SGK1: variants seen among roughly 807,000 people sequenced by gnomAD.
SGK1 encodes the protein serine/threonine-protein kinase Sgk1.
SGK1 carries 26 observed loss-of-function variants against 64.2 expected under a neutral mutation model. The observed-to-expected ratio is 0.40, with a 90% CI of 0.30 to 0.56. The LOEUF is 0.56. Among genes scored for constraint, SGK1 ranks in the 20% least tolerant of loss-of-function variants. The probability of loss-of-function intolerance (pLI) is 0.38; values close to 1 mark genes in which losing one functional copy is unlikely to be tolerated. For synonymous variants in SGK1, 265 were observed against 239.7 expected (o/e 1.11, Z -0.98); for missense variants, 519 against 645.6 (o/e 0.80, Z 2.12).
At chr6:134,195,439 C>G (rs75301247) in intron 3 of SGK1, among the ~76,000 whole-genome samples, 128 of 152,256 alleles carry the variant, frequency 8.4e-4, no homozygotes, top group African/African-American at 2.9e-3. Flanking sequence ...TAAACTGAGC[C>G]TATAGTCACA....
intron 3 of SGK1, among the ~76,000 whole-genome samples, chr6:134,185,043 C>T (rs1306302802): frequency 6.6e-6 from 1 of 152,114 alleles, no homozygotes; most frequent in African/African-American, 2.4e-5. Flanking sequence ...AGGGCCTAGC[C>T]CACAGGAAGT....
intron 1 of SGK1, among the ~76,000 whole-genome samples, chr6:134,264,366 A>G (rs528171159): frequency 1.7e-3 from 265 of 151,930 alleles, no homozygotes; most frequent in Admixed American, 4.9e-3. Flanking sequence ...TGATCCGCCC[A>G]CCTTGGCCTC....
intron 1 of SGK1, among the ~76,000 whole-genome samples, chr6:134,262,807 C>G (rs148354926): frequency 4.6e-5 from 7 of 151,858 alleles, no homozygotes; most frequent in Non-Finnish European, 8.8e-5. Flanking sequence ...TTTGGGAGGC[C>G]AAGGCAGGAG....
At chr6:134,171,390 G>A in intron 11 of SGK1, 5 of 616,066 alleles carry the variant, frequency 8.1e-6, no homozygotes, top group South Asian at 8.0e-5. Flanking sequence ...TGAGGGGGTA[G>A]ATGTTAATAA....
chr6:134,179,395 C>CAGAAAACATAATTATTATAATTAT (rs1172478567), intron 3 of SGK1, among the ~76,000 whole-genome samples: 1 of 151,534 alleles, frequency 6.6e-6, no homozygotes, highest in Non-Finnish European at 1.5e-5. Context: ...ATAGAAATAC[C>CAGAAAACATAATTATTATAATTAT]AGAAAACATA....
intron 3 of SGK1, among the ~76,000 whole-genome samples, chr6:134,206,365 ATATATATATATATATATATT>A (rs1439519686): frequency 1.4e-3 from 14 of 10,258 alleles, no homozygotes; most frequent in African/African-American, 2.8e-3. Context: ...ATATATATAT[ATATATATATATATATATATT>A]TTTTTTTTTT....
At chr6:134,213,260 G>A (rs1358953258) in intron 2 of SGK1, among the ~76,000 whole-genome samples, 3 of 152,122 alleles carry the variant, frequency 2.0e-5, no homozygotes, top group Middle Eastern at 3.4e-3. Context: ...GGGGGGTCAC[G>A]CCTATAATCC....
chr6:134,206,869 G>GAA (rs554857623), intron 3 of SGK1, among the ~76,000 whole-genome samples: 36 of 81,902 alleles, frequency 4.4e-4, no homozygotes, highest in African/African-American at 1.0e-3. Flanking sequence ...TCCGTCTCCA[G>GAA]AAAAAAAAAA....
Position 134,262,117 on chromosome 6 carries a change from C to T in SGK1, c.101G>A (p.Ser34Asn). 1 of 1,602,768 alleles carries T rather than the reference C, an allele frequency of 6.2e-7. No individual in the cohort carries two copies. The highest frequency in any genetic ancestry group is 1.1e-5 in the South Asian group (1 of 90,674). Residue 34 changes from serine to asparagine, a missense_variant, in exon 2 of 14, where the codon AGT becomes AAT. Transcript: ENST00000367858. ...VRRWIKSPMV[S>N]VDKHQSPSLK... is the part of the protein sequence containing the mutation. ...GCTGGGACTCTGATGCTTGTCCACA[C>T]TGACCATTGGGCTCTTGATCCACCT... is the stretch of plus-strand genomic sequence containing the variant.
At chr6:134,292,074 A>C (rs952886537) in intron 1 of SGK1, among the ~76,000 whole-genome samples, 8 of 151,944 alleles carry the variant, frequency 5.3e-5, no homozygotes, top group Admixed American at 2.0e-4. Context: ...AAAAAAAAAA[A>C]AACACTAGAT....
At chr6:134,243,134 G>C (rs988775161) in intron 2 of SGK1, among the ~76,000 whole-genome samples, 1 of 151,878 alleles carries the variant, frequency 6.6e-6, no homozygotes, top group African/African-American at 2.4e-5. Flanking sequence ...TACCTATTTA[G>C]CTTATGCCTT....
chr6:134,240,249 G>T (rs1483633991), intron 2 of SGK1, among the ~76,000 whole-genome samples: 1 of 135,508 alleles, frequency 7.4e-6, no homozygotes, highest in Non-Finnish European at 1.5e-5. Context: ...CTGAGATCAC[G>T]CCACTGCACT....
intron 3 of SGK1, among the ~76,000 whole-genome samples, chr6:134,187,769 G>T (rs967358219): frequency 5.3e-5 from 8 of 152,212 alleles, no homozygotes; most frequent in Non-Finnish European, 8.8e-5. Context: ...TCCATGGATG[G>T]TAGTTGTGGC....
chr6:134,171,374 G>GTA, intron 11 of SGK1, 196 bp from the exon 12 acceptor site: 1 of 623,140 alleles, frequency 1.6e-6, no homozygotes, highest in Non-Finnish European at 2.8e-6. Context: ...GTGTGTGTGT[G>GTA]GAGGGTGAGG....
At chr6:134,180,602 G>T (rs935932446) in intron 3 of SGK1, among the ~76,000 whole-genome samples, 2 of 152,096 alleles carry the variant, frequency 1.3e-5, no homozygotes, top group African/African-American at 4.8e-5. Context: ...GCCAGGTGCA[G>T]GGGCTCACAC....
At chr6:134,217,632 C>G (rs374562245) in intron 2 of SGK1, among the ~76,000 whole-genome samples, 1 of 152,178 alleles carries the variant, frequency 6.6e-6, no homozygotes, top group Non-Finnish European at 1.5e-5. Context: ...TCAACCGCCA[C>G]GCTCATAAAG....
At chr6:134,301,567 T>TCTTCTCTTCTCTTCTCTTCC (rs879920232) in intron 1 of SGK1, among the ~76,000 whole-genome samples, 1 of 145,874 alleles carries the variant, frequency 6.9e-6, no homozygotes, top group Non-Finnish European at 1.5e-5. Flanking sequence ...TCTTCTCTTC[T>TCTTCTCTTCTCTTCTCTTCC]CTTCTCTTCT....
chr6:134,227,782 C>A (rs560007382), intron 2 of SGK1, among the ~76,000 whole-genome samples: 1 of 151,972 alleles, frequency 6.6e-6, no homozygotes, highest in Non-Finnish European at 1.5e-5. Context: ...CAAATACGCA[C>A]GTACTAAAAG....
At chr6:134,274,374 G>A (rs541895807) in intron 1 of SGK1, among the ~76,000 whole-genome samples, 1 of 152,274 alleles carries the variant, frequency 6.6e-6, no homozygotes, top group African/African-American at 2.4e-5. Flanking sequence ...CTAGATGAGA[G>A]TCAGGAATGG....
Sources: allele counts gnomAD v4.1 joint callset (sites outside exome capture counted in the v4.1 genomes callset), GRCh38; gene constraint gnomAD v4.1.1; transcripts MANE v1.5; gene names NCBI Gene and HGNC (gene_info 2026-07-23, HGNC 2026-07-21).